The following SAMD4A variants were observed in gnomAD, a reference collection of about 807,000 sequenced individuals.
The protein encoded by SAMD4A is protein Smaug homolog 1.
SAMD4A carries 33 observed loss-of-function variants against 81.3 expected under a neutral mutation model. The observed-to-expected ratio is 0.41, with a 90% CI of 0.31 to 0.54. SAMD4A has a LOEUF of 0.54. Ranked by LOEUF, SAMD4A falls within the 20% of genes least tolerant of loss-of-function variation. The pLI is 0.37. For synonymous variants in SAMD4A, 389 were observed against 382.1 expected (o/e 1.02, Z -0.21); for missense variants, 854 against 951.1 (o/e 0.90, Z 1.34).
intron 6 of SAMD4A, among the ~76,000 whole-genome samples, chr14:54,757,118 T>G (rs576214272): frequency 1.3e-5 from 2 of 152,310 alleles, no homozygotes; most frequent in South Asian, 2.1e-4. Context: ...TCTGGCCATT[T>G]CTCCCTGTTT....
intron 3 of SAMD4A, among the ~76,000 whole-genome samples, chr14:54,712,056 C>CA (rs927691855): frequency 1.4e-4 from 22 of 152,198 alleles, no homozygotes; most frequent in African/African-American, 5.1e-4. Flanking sequence ...GGAGAGACAC[C>CA]AGGCAGCTCA....
At chr14:54,755,168 G>A (rs1281152669) in intron 6 of SAMD4A, among the ~76,000 whole-genome samples, 1 of 152,178 alleles carries the variant, frequency 6.6e-6, no homozygotes, top group Non-Finnish European at 1.5e-5. Flanking sequence ...GGAGGAGGAG[G>A]ATAGAGATCA....
intron 2 of SAMD4A, chr14:54,682,085 G>C: frequency 1.0e-6 from 1 of 982,558 alleles, no homozygotes; most frequent in South Asian, 4.7e-5. Flanking sequence ...GTGTGACTCA[G>C]GAATCTCCGG....
chr14:54,582,913 G>A (rs1300576234), intron 2 of SAMD4A, among the ~76,000 whole-genome samples: 1 of 152,142 alleles, frequency 6.6e-6, no homozygotes, highest in Non-Finnish European at 1.5e-5. Context: ...AGTAAAGTGT[G>A]CTGCTAATTT....
chr14:54,751,439 A>C lies in SAMD4A; in HGVS notation c.1090-12A>C, dbSNP rs2038099362. The stretch of plus-strand genomic sequence containing the variant: ...AATATACATTTAAATGTAACTTGTT[A>C]TTTAATTACAGAATGTTACCAAAGG... On this transcript the variant is annotated splice_polypyrimidine_tract_variant and intron_variant, in intron 5 of 12. Transcript: ENST00000554335. The C allele has an allele frequency of 4.8e-6, 7 of 1,473,646 alleles. No individual in the cohort carries two copies. The South Asian group carries it at 8.4e-5, about 18-fold the overall frequency. 91.3% of individuals were successfully genotyped at this position (1,473,646 alleles called of 1,614,324 possible). A position where few individuals can be genotyped will look rare whatever the true frequency, so the allele number is the denominator to read the frequency against.
rs2032976154 is a variant in SAMD4A, at chr14:54,567,532, C to G, written c.-385C>G. On this transcript the variant is annotated 5_prime_UTR_variant, in exon 2 of 13. Coordinates refer to ENST00000554335, the MANE Select transcript of SAMD4A (RefSeq NM_015589.6). ...GCTCGGGAATGCGGGCGTGAAGGGT[C>G]CGAGTTGCCGCCCAGCGGGGAGGAG... 1 of 242,870 alleles carries G rather than the reference C, an allele frequency of 4.1e-6. No individual in the cohort carries two copies. Among genetic ancestry groups the G allele is most frequent in the Admixed American group, 6.2e-5 (1 of 16,102 alleles). 15.0% of individuals were successfully genotyped at this position (242,870 alleles called of 1,614,324 possible). A position where few individuals can be genotyped will look rare whatever the true frequency, so the allele number is the denominator to read the frequency against.
chr14:54,687,055 C>G (rs576739069), intron 2 of SAMD4A, among the ~76,000 whole-genome samples: 1 of 152,160 alleles, frequency 6.6e-6, no homozygotes, highest in Non-Finnish European at 1.5e-5. Context: ...TACATCTGCC[C>G]TTCCCCTGAC....
chr14:54,640,182 A>G (rs2035140736), intron 2 of SAMD4A, among the ~76,000 whole-genome samples: 1 of 152,122 alleles, frequency 6.6e-6, no homozygotes, highest in Non-Finnish European at 1.5e-5. Context: ...CTCTTTCCCC[A>G]GAAATGGTTT....
chr14:54,613,355 T>G, intron 2 of SAMD4A, among the ~76,000 whole-genome samples: 1 of 152,058 alleles, frequency 6.6e-6, no homozygotes, highest in East Asian at 1.9e-4. Context: ...ATGAAGCAGG[T>G]AGCAGGTATC....
At position 54,774,652 on chromosome 14, in the gene SAMD4A, C is replaced by CAAAAAAAA. The variant is rs1286823182; in HGVS notation, c.1716-278_1716-271dup. On this transcript the variant is annotated intron_variant, in intron 9 of 12. Transcript: ENST00000554335. ...CGACATAGTGAGACTCCATCTCTAC[C>CAAAAAAAA]AAAAAAAAAAAGTTAGCTGGGCATG... Among the ~76,000 whole-genome samples, 96 of 134,068 alleles carry CAAAAAAAA rather than the reference C, an allele frequency of 7.2e-4. 4 individuals carry two copies. Among genetic ancestry groups the CAAAAAAAA allele is most frequent in the Middle Eastern group, 8.3e-3 (2 of 242 alleles). 88.0% of individuals were successfully genotyped at this position (134,068 alleles called of 152,430 possible).
chr14:54,596,173 C>A (rs2033905283), intron 2 of SAMD4A, among the ~76,000 whole-genome samples: 1 of 152,018 alleles, frequency 6.6e-6, no homozygotes, highest in African/African-American at 2.4e-5. Flanking sequence ...TTGAGGAGAC[C>A]TAAATAATGG....
chr14:54,695,953 GAAAAAAA>G (rs35817270), intron 2 of SAMD4A, among the ~76,000 whole-genome samples: 72 of 78,294 alleles, frequency 9.2e-4, no homozygotes, highest in African/African-American at 1.4e-3. Context: ...CTCCATCTCA[GAAAAAAA>G]AAAAAAAAAA....
chr14:54,770,499 G>A (rs1427204552), intron 9 of SAMD4A, among the ~76,000 whole-genome samples: 1 of 152,132 alleles, frequency 6.6e-6, no homozygotes, highest in Non-Finnish European at 1.5e-5. Context: ...GGGGAGAGTG[G>A]GTATGATTTA....
chr14:54,698,058 A>G (rs564941547), intron 2 of SAMD4A, among the ~76,000 whole-genome samples: 16 of 152,328 alleles, frequency 1.1e-4, no homozygotes, highest in African/African-American at 3.6e-4. Context: ...CATTCTATTT[A>G]CTGAAAGTGA....
At chr14:54,758,438 C>T (rs1403639081) in intron 6 of SAMD4A, among the ~76,000 whole-genome samples, 4 of 152,340 alleles carry the variant, frequency 2.6e-5, no homozygotes, top group South Asian at 2.1e-4. Context: ...CATTCCCTGA[C>T]GCCATCAAGC....
intron 2 of SAMD4A, among the ~76,000 whole-genome samples, chr14:54,613,851 A>G (rs1037514606): frequency 1.3e-5 from 2 of 152,232 alleles, no homozygotes; most frequent in Admixed American, 6.5e-5. Context: ...CGTTTTCACA[A>G]TAACGCTAAG....
chr14:54,685,276 C>CCG (rs1555343086), intron 2 of SAMD4A, among the ~76,000 whole-genome samples: 1 of 19,966 alleles, frequency 5.0e-5, no homozygotes, highest in South Asian at 1.5e-3. Flanking sequence ...TTCTTCCTGC[C>CCG]CCCCCCCCCA....
At chr14:54,700,725 C>G (rs2036693253) in intron 2 of SAMD4A, among the ~76,000 whole-genome samples, 1 of 152,168 alleles carries the variant, frequency 6.6e-6, no homozygotes, top group Admixed American at 6.5e-5. Flanking sequence ...CTGTGAATAA[C>G]TGTCAATCCC....
intron 7 of SAMD4A, 57 bp from the exon 8 acceptor site, chr14:54,764,398 T>G: frequency 8.7e-7 from 1 of 1,150,686 alleles, no homozygotes; most frequent in Non-Finnish European, 1.3e-6. Context: ...GAGAGTCAGG[T>G]CCCAGAGATT....
Sources: allele counts gnomAD v4.1 joint callset (sites outside exome capture counted in the v4.1 genomes callset), GRCh38; gene constraint gnomAD v4.1.1; transcripts MANE v1.5; gene names NCBI Gene and HGNC (gene_info 2026-07-23, HGNC 2026-07-21).